PACRG: variants seen among roughly 807,000 people sequenced by gnomAD.
PACRG encodes the protein parkin coregulated gene protein.
In PACRG, 29 loss-of-function variants were observed where a neutral mutation model predicts 29.7. That is an observed-to-expected ratio of 0.98 (90% confidence interval 0.73 to 1.33). PACRG has a LOEUF of 1.33. Ranked by LOEUF, PACRG falls within the 40% of genes most tolerant of loss-of-function variation. The probability of loss-of-function intolerance (pLI) is 0.00; values close to 1 mark genes in which losing one functional copy is unlikely to be tolerated. For synonymous variants in PACRG, 116 were observed against 118.7 expected (o/e 0.98, Z 0.15); for missense variants, 279 against 316.2 (o/e 0.88, Z 0.89).
chr6:163,212,000 T>C (rs1781162774), intron 4 of PACRG, among the ~76,000 whole-genome samples: 1 of 152,078 alleles, frequency 6.6e-6, no homozygotes, highest in South Asian at 2.1e-4. Flanking sequence ...TGGGAAGCAC[T>C]GCCAATGGCC....
At chr6:163,188,439 G>C (rs113067955) in intron 4 of PACRG, among the ~76,000 whole-genome samples, 2,243 of 152,280 alleles carry the variant, frequency 0.015, 26 homozygotes, top group East Asian at 0.06. Context: ...TCATCTCTTA[G>C]AGGTGAGCTT....
intron 1 of PACRG, among the ~76,000 whole-genome samples, chr6:162,754,804 T>C (rs1781776054): frequency 6.6e-6 from 1 of 152,222 alleles, no homozygotes; most frequent in African/African-American, 2.4e-5. Flanking sequence ...TGTCTGTTTT[T>C]ATGGCAGTAC....
intron 2 of PACRG, among the ~76,000 whole-genome samples, chr6:162,886,259 T>C (rs987058802): frequency 1.1e-4 from 16 of 152,084 alleles, no homozygotes; most frequent in African/African-American, 3.6e-4. Flanking sequence ...CCTGGACAAG[T>C]CTCTGTTGTG....
rs549952011 is a variant in PACRG, at chr6:162,798,051, A to G, written c.157-16096A>G. On this transcript the variant is annotated intron_variant, in intron 1 of 4. Transcript: ENST00000366888. ...TTAGTAAGTTTTGCTGCTCTTTTAA[A>G]TATTGTTTTTCTTATAGTAACTTTG... 4.6e-5 allele frequency among the ~76,000 whole-genome samples: 7 copies of G among 152,216 alleles called. No individual in the cohort carries two copies. The South Asian group carries it at 1.2e-3, about 27-fold the overall frequency.
chr6:163,060,613 T>C lies in PACRG; in HGVS notation c.292-1537T>C, dbSNP rs190723314. On this transcript the variant is annotated intron_variant, in intron 2 of 4. Transcript: ENST00000366888. ...TGGACATTGCCTCTTCCCTGCTTAC[T>C]TCCTTGATTGGCTGGACTCCCTCTA... Among the ~76,000 whole-genome samples the C allele has an allele frequency of 1.2e-4, 19 of 152,338 alleles. No individual in the cohort carries two copies. The East Asian group carries it at 3.3e-3, about 26-fold the overall frequency.
At chr6:162,998,398 C>G (rs1327413508) in intron 2 of PACRG, among the ~76,000 whole-genome samples, 1 of 152,200 alleles carries the variant, frequency 6.6e-6, no homozygotes, top group East Asian at 1.9e-4. Flanking sequence ...TTTCCTGCTT[C>G]CTCTTCCTTT....
At chr6:162,966,677 C>T (rs761610812) in intron 2 of PACRG, among the ~76,000 whole-genome samples, 31 of 152,004 alleles carry the variant, frequency 2.0e-4, no homozygotes, top group African/African-American at 6.5e-4. Flanking sequence ...GAGGTTTCAC[C>T]GTGTTAGCCA....
At chr6:162,778,338 C>T (rs1783814429) in intron 1 of PACRG, among the ~76,000 whole-genome samples, 2 of 152,056 alleles carry the variant, frequency 1.3e-5, no homozygotes, top group Non-Finnish European at 2.9e-5. Context: ...TGATTTGTTC[C>T]TGTGGTTGTA....
intron 1 of PACRG, among the ~76,000 whole-genome samples, chr6:162,770,916 AT>A (rs1783166685): frequency 1.3e-5 from 2 of 152,140 alleles, no homozygotes; most frequent in Non-Finnish European, 1.5e-5. Context: ...AAGTTTATAA[AT>A]TTAGGTATTT....
At chr6:163,106,510 A>G (rs1020043457) in intron 4 of PACRG, among the ~76,000 whole-genome samples, 3 of 152,140 alleles carry the variant, frequency 2.0e-5, no homozygotes, top group Admixed American at 6.6e-5. Context: ...CTTGGATGAA[A>G]AGTAAATCCA....
chr6:162,877,320 C>G (rs932057937), intron 2 of PACRG, among the ~76,000 whole-genome samples: 2 of 152,100 alleles, frequency 1.3e-5, no homozygotes, highest in African/African-American at 4.8e-5. Flanking sequence ...TCATTCTCAG[C>G]AAACTAACAC....
At chr6:162,763,655 C>G (rs1782555269) in intron 1 of PACRG, among the ~76,000 whole-genome samples, 1 of 152,106 alleles carries the variant, frequency 6.6e-6, no homozygotes, top group African/African-American at 2.4e-5. Context: ...TCTTTGAGAT[C>G]AAGATCTAGG....
intron 2 of PACRG, among the ~76,000 whole-genome samples, chr6:162,960,740 T>C (rs1325383387): frequency 6.6e-6 from 1 of 152,162 alleles, no homozygotes; most frequent in African/African-American, 2.4e-5. Flanking sequence ...AGAATTAAAA[T>C]AAAAGAGAGG....
At chr6:163,237,728 T>G (rs113204853) in intron 4 of PACRG, among the ~76,000 whole-genome samples, 2,294 of 152,324 alleles carry the variant, frequency 0.015, 64 homozygotes, top group African/African-American at 0.052. Context: ...TTAATCACTT[T>G]ATAACCTATT....
At chr6:163,166,138 G>A (rs1309411869) in intron 4 of PACRG, 5 of 456,230 alleles carry the variant, frequency 1.1e-5, no homozygotes, top group South Asian at 3.1e-5. Context: ...TCTGGGCAGC[G>A]TCGCTTGCGC....
chr6:163,131,444 C>T (rs1816738288), intron 4 of PACRG, among the ~76,000 whole-genome samples: 2 of 152,096 alleles, frequency 1.3e-5, no homozygotes, highest in Admixed American at 1.3e-4. Context: ...GCCGATGCAG[C>T]TTCAAGCCAA....
chr6:162,864,875 T>C (rs530858217), intron 2 of PACRG, among the ~76,000 whole-genome samples: 3 of 152,336 alleles, frequency 2.0e-5, no homozygotes, highest in African/African-American at 7.2e-5. Context: ...TTTTATTGTG[T>C]TCCCACTACT....
intron 1 of PACRG, among the ~76,000 whole-genome samples, chr6:162,756,329 G>C (rs1209599133): frequency 6.6e-6 from 1 of 151,978 alleles, no homozygotes; most frequent in East Asian, 1.9e-4. Flanking sequence ...CTCTAATATT[G>C]GGTGCAAATA....
At chr6:162,749,604 T>A (rs1333895395) in intron 1 of PACRG, among the ~76,000 whole-genome samples, 1 of 152,136 alleles carries the variant, frequency 6.6e-6, no homozygotes. Context: ...CACTGCAACC[T>A]CCACCTCCCG....
Sources: gnomAD v4.1 joint callset for allele counts (sites outside exome capture counted in the v4.1 genomes callset) on GRCh38, gnomAD v4.1.1 for gene constraint, MANE v1.5 for transcripts, NCBI Gene and HGNC (gene_info 2026-07-23, HGNC 2026-07-21) for gene names.